The following RAB23 variants were observed in gnomAD, a reference collection of about 807,000 sequenced individuals.
RAB23 encodes the protein RAB23, member RAS oncogene family.
Under a neutral mutation model 30.0 loss-of-function variants are expected in RAB23, and 15 were observed. That is an observed-to-expected ratio of 0.50 (90% CI 0.33 to 0.77). The LOEUF is 0.77. RAB23 is among the 30% of genes least tolerant of loss of function. The pLI, the probability that RAB23 is intolerant of heterozygous loss-of-function variation, is 0.02. For missense variants in RAB23, 243 were observed against 275.4 expected, an observed-to-expected ratio of 0.88 and a Z score of 0.83; for synonymous variants, 93 against 94.0, an observed-to-expected ratio of 0.99 and a Z score of 0.06.
chr6:57,194,977 C>G (rs1764967258), intron 4 of RAB23, 125 bp from the exon 5 acceptor site: 2 of 699,950 alleles, frequency 2.9e-6, no homozygotes, highest in Non-Finnish European at 4.9e-6. Context: ...TGGATCAGAT[C>G]TTTCAGAAAA....
intron 1 of RAB23, among the ~76,000 whole-genome samples, chr6:57,215,897 G>A (rs568136566): frequency 2.0e-5 from 3 of 152,196 alleles, no homozygotes; most frequent in East Asian, 3.9e-4. Flanking sequence ...AGGGAGGTAC[G>A]GGTTCCACAC....
At chr6:57,190,747 A>C in intron 6 of RAB23, 147 bp from the exon 7 acceptor site, 1 of 1,060,516 alleles carries the variant, frequency 9.4e-7, no homozygotes, top group Non-Finnish European at 1.4e-6. Flanking sequence ...TAGCATCTTA[A>C]CCATTTTTAG....
chr6:57,199,702 C>G (rs1209942300), intron 3 of RAB23, among the ~76,000 whole-genome samples: 1 of 152,108 alleles, frequency 6.6e-6, no homozygotes, highest in Non-Finnish European at 1.5e-5. Context: ...ACACAAATCT[C>G]CAAAGCAGGA....
Position 57,202,420 on chromosome 6 carries a change from C to T in RAB23, c.241+5208G>A, listed in dbSNP as rs185780369. Among the ~76,000 whole-genome samples, 158 of 152,306 alleles carry T rather than the reference C, an allele frequency of 1.0e-3. 1 individual carries two copies. Among genetic ancestry groups the T allele is most frequent in the Non-Finnish European group, 5.1e-4 (35 of 68,026 alleles). On this transcript the variant is annotated intron_variant, in intron 3 of 6. Coordinates refer to ENST00000468148, the MANE Select transcript of RAB23 (RefSeq NM_016277.5). ...CAATGTGATCCAAGTCAATTAATCA[C>T]ATTCCTCTCATTATTGCAATCAGGT...
In RAB23 at chr6:57,194,892, C is replaced by A. The variant is rs763524665; in HGVS notation, c.399-40G>T. ...AAAAAAAAATGCTTTACAAAGGTGC[C>A]TTCTGATAGCTTGTTTTTTAAATCA... On this transcript the variant is annotated intron_variant, in intron 4 of 6. Coordinates refer to ENST00000468148, the MANE Select transcript of RAB23 (RefSeq NM_016277.5). The A allele has an allele frequency of 3.5e-6, 5 of 1,430,564 alleles. No homozygotes were observed. The Admixed American group carries it at 8.5e-5, about 24-fold the overall frequency. 88.6% of individuals were successfully genotyped at this position (1,430,564 alleles called of 1,614,324 possible).
intron 3 of RAB23, among the ~76,000 whole-genome samples, chr6:57,204,022 C>G (rs1311356629): frequency 6.6e-6 from 1 of 152,078 alleles, no homozygotes; most frequent in Non-Finnish European, 1.5e-5. Context: ...AATCATGAAA[C>G]CTTAGTTGTC....
intron 3 of RAB23, among the ~76,000 whole-genome samples, chr6:57,204,065 G>A (rs1049687858): frequency 2.2e-4 from 33 of 151,956 alleles, no homozygotes; most frequent in African/African-American, 5.5e-4. Context: ...TTTCAAAAGC[G>A]AAAAAAATAA....
At chr6:57,195,741 G>C (rs1193301202) in intron 4 of RAB23, among the ~76,000 whole-genome samples, 1 of 152,202 alleles carries the variant, frequency 6.6e-6, no homozygotes, top group Non-Finnish European at 1.5e-5. Flanking sequence ...TAGCCTTTCC[G>C]TGAGAACAGG....
intron 6 of RAB23, among the ~76,000 whole-genome samples, chr6:57,191,527 G>A (rs929626045): frequency 2.6e-5 from 4 of 152,162 alleles, no homozygotes; most frequent in South Asian, 2.1e-4. Context: ...TTGGCTCACC[G>A]CAACTTCCGC....
chr6:57,215,410 G>C (rs1765802662), intron 1 of RAB23, among the ~76,000 whole-genome samples: 1 of 152,182 alleles, frequency 6.6e-6, no homozygotes, highest in Non-Finnish European at 1.5e-5. Flanking sequence ...AAAGCAGCCA[G>C]AGAAAAAGGA....
intron 1 of RAB23, among the ~76,000 whole-genome samples, chr6:57,218,661 G>A (rs1193767634): frequency 1.3e-5 from 2 of 152,182 alleles, no homozygotes; most frequent in East Asian, 3.9e-4. Context: ...GACCAGCCTG[G>A]ACAACATGGT....
rs376839366 is a variant in RAB23, at chr6:57,196,441, C to T, written c.398+9G>A. 52 of 1,613,708 alleles carry T rather than the reference C, an allele frequency of 3.2e-5. 2 individuals carry two copies. In the Middle Eastern group the frequency reaches 4.6e-3, roughly 143 times the overall value. ...ACTGTCCCTCCTTCCCCAAAAGTAG[C>T]CATCTTACTTCTTTATACAAGAATC... On this transcript the variant is annotated intron_variant, in intron 4 of 6. Coordinates refer to ENST00000468148, the MANE Select transcript of RAB23 (RefSeq NM_016277.5).
intron 2 of RAB23, among the ~76,000 whole-genome samples, chr6:57,208,107 C>G (rs1167253796): frequency 6.6e-6 from 1 of 152,180 alleles, no homozygotes; most frequent in African/African-American, 2.4e-5. Flanking sequence ...AAACTGAGTA[C>G]TTTCGGATGT....
intron 3 of RAB23, among the ~76,000 whole-genome samples, chr6:57,198,736 C>G (rs1765125184): frequency 6.6e-6 from 1 of 151,768 alleles, no homozygotes; most frequent in Admixed American, 6.6e-5. Flanking sequence ...ACCTTTAAGC[C>G]TACAGCTTTA....
intron 3 of RAB23, 118 bp from the exon 4 acceptor site, chr6:57,196,724 T>A: frequency 1.6e-6 from 2 of 1,259,042 alleles, no homozygotes; most frequent in Non-Finnish European, 2.2e-6. Flanking sequence ...TCAAAACAAC[T>A]TTTATGTAAA....
intron 6 of RAB23, among the ~76,000 whole-genome samples, chr6:57,191,180 C>T (rs569498751): frequency 2.0e-5 from 3 of 152,166 alleles, no homozygotes; most frequent in African/African-American, 7.2e-5. Context: ...GTAGCTAATA[C>T]GCATGGTACA....
chr6:57,196,497 T>C lies in RAB23; in HGVS notation c.351A>G (p.Val117=), dbSNP rs751291871. The change falls in exon 4 of 7, where the codon GTA becomes GTG. Residue 117 remains valine, a synonymous_variant. Coordinates refer to ENST00000468148, the MANE Select transcript of RAB23 (RefSeq NM_016277.5). ...VVAEVGDIPT[V]LVQNKIDLLD... Reference sequence around the variant, plus strand: ...GAAGATCAATCTTGTTTTGCACAAGTACAGTTGGTATATCTCCCACTTCGG... The same window carrying C: ...GAAGATCAATCTTGTTTTGCACAAGCACAGTTGGTATATCTCCCACTTCGG... 3.1e-6 allele frequency: 5 copies of C among 1,613,916 alleles called. No homozygotes were observed. Among genetic ancestry groups the C allele is most frequent in the Admixed American group, 1.7e-5 (1 of 60,000 alleles).
At chr6:57,199,695 C>T (rs1246194804) in intron 3 of RAB23, among the ~76,000 whole-genome samples, 3 of 152,114 alleles carry the variant, frequency 2.0e-5, no homozygotes, top group African/African-American at 7.2e-5. Flanking sequence ...GAATGGTACA[C>T]AAATCTCCAA....
chr6:57,219,440 C>G (rs1765976112), intron 1 of RAB23, among the ~76,000 whole-genome samples: 2 of 152,174 alleles, frequency 1.3e-5, no homozygotes, highest in Admixed American at 1.3e-4. Flanking sequence ...TCAATCAAAG[C>G]ACCAGCCAAA....
Sources: allele counts gnomAD v4.1 joint callset (sites outside exome capture counted in the v4.1 genomes callset), GRCh38; gene constraint gnomAD v4.1.1; transcripts MANE v1.5; gene names NCBI Gene and HGNC (gene_info 2026-07-23, HGNC 2026-07-21).